The following ASS1 variants were observed in gnomAD, a reference collection of about 807,000 sequenced individuals.
ASS1 encodes the protein argininosuccinate synthase 1.
A neutral mutation model predicts 60.5 loss-of-function variants in ASS1; 58 were observed. That is an observed-to-expected ratio of 0.96 (90% confidence interval 0.78 to 1.19). The LOEUF (loss-of-function observed/expected upper bound fraction) is 1.19, where lower values mean the gene tolerates loss of function less well. Among genes scored for constraint, ASS1 ranks in the 50% most tolerant of loss-of-function variants. The pLI, the probability that ASS1 is intolerant of heterozygous loss-of-function variation, is 0.00. For missense variants in ASS1, 454 were observed against 547.3 expected, an observed-to-expected ratio of 0.83 and a Z score of 1.70; for synonymous variants, 200 against 206.9, an observed-to-expected ratio of 0.97 and a Z score of 0.29.
At chr9:130,460,509 G>A (rs1845563471) in intron 4 of ASS1, among the ~76,000 whole-genome samples, 1 of 152,196 alleles carries the variant, frequency 6.6e-6, no homozygotes, top group Non-Finnish European at 1.5e-5. Flanking sequence ...AGGGAACTGC[G>A]GGAGCAGCAG....
rs369158406 is a variant in ASS1 at position 130,477,456 on chromosome 9, C to T, written c.688+495C>T. On this transcript the variant is annotated intron_variant, in intron 9 of 14. Coordinates refer to ENST00000352480, the MANE Select transcript of ASS1 (RefSeq NM_054012.4). The surrounding 1 kb of genome is among the most constrained non-coding windows in gnomAD (Gnocchi z 4.2). ...AAGCCTTCGCCAGTCTTCATTGAGC[C>T]GCTCTGGGCCTCACCCTGCTGACCC... is the stretch of plus-strand genomic sequence containing the variant. Among the ~76,000 whole-genome samples, 163 of 152,332 alleles carry T rather than the reference C, an allele frequency of 1.1e-3. 2 individuals are homozygous for T. Among genetic ancestry groups the T allele is most frequent in the African/African-American group, 3.6e-3 (151 of 41,582 alleles).
rs764555895 is a variant in ASS1, at chr9:130,477,928, GGGTGGGGAAGCCTCAGGCC to G, written c.688+976_688+994del. Among the ~76,000 whole-genome samples the G allele has an allele frequency of 2.8e-4, 43 of 152,302 alleles. No homozygotes were observed. The highest frequency in any genetic ancestry group is 1.2e-3 in the Admixed American group (19 of 15,306). On this transcript the variant is annotated intron_variant, in intron 9 of 14. Transcript: ENST00000352480. The surrounding 1 kb of genome is among the most constrained non-coding windows in gnomAD (Gnocchi z 4.2). ...CCCGGCTACCACAGAAAGGAGGATA[GGGTGGGGAAGCCTCAGGCC>G]GGTGGGGAGGCAGAGCTGCAGATCC...
chr9:130,454,951 TC>T (rs1564902433), intron 3 of ASS1, among the ~76,000 whole-genome samples: 1 of 147,486 alleles, frequency 6.8e-6, no homozygotes, highest in Non-Finnish European at 1.5e-5. Flanking sequence ...CCATCCATCA[TC>T]CATCTATCCA....
At chr9:130,479,342 G>A (rs1313604958) in intron 9 of ASS1, among the ~76,000 whole-genome samples, 2 of 152,104 alleles carry the variant, frequency 1.3e-5, no homozygotes, top group South Asian at 2.1e-4. Context: ...GCCACACCTC[G>A]GCCAGGCGGC....
Position 130,491,762 on chromosome 9 carries a change from T to A in ASS1, c.970+2298T>A, listed in dbSNP as rs1846455534. Among the ~76,000 whole-genome samples the A allele has an allele frequency of 6.6e-6, 1 of 152,088 alleles. No individual in the cohort carries two copies. Among genetic ancestry groups the A allele is most frequent in the African/African-American group, 2.4e-5 (1 of 41,424 alleles). Reference sequence around the variant, plus strand: ...ACTGAGGTACAATGATTAGGAGACTTAAAAGGAAACAAAATCTCAGAGTGG... The same window carrying A: ...ACTGAGGTACAATGATTAGGAGACTAAAAAGGAAACAAAATCTCAGAGTGG... On this transcript the variant is annotated intron_variant, in intron 12 of 14. Transcript: ENST00000352480. The surrounding 1 kb of genome is among the most constrained non-coding windows in gnomAD (Gnocchi z 5.3).
Position 130,494,819 on chromosome 9 carries a change from C to T in ASS1, c.971-48C>T, listed in dbSNP as rs756610093. On this transcript the variant is annotated intron_variant, in intron 12 of 14. Transcript: ENST00000352480. This position sits in a 1 kb window ranked among gnomAD's most constrained non-coding sequence, Gnocchi z 4.3. ...TGTGCCCCAGGTCTCCCTGTGTCCT[C>T]GCGGTGCAGGAGGCCTCCCTAGTGG... 1.7e-5 allele frequency: 28 copies of T among 1,608,990 alleles called. No individual in the cohort carries two copies. The highest frequency in any genetic ancestry group is 1.9e-5 in the Non-Finnish European group (22 of 1,176,392).
At position 130,476,901 on chromosome 9, in the gene ASS1, A is replaced by G; in HGVS notation, c.628A>G (p.Thr210Ala). ...AGCGCCTCCAGGTCTCTACACGAAG[A>G]CCCAGGACCCAGCCAAAGCCCCCAA... is the stretch of plus-strand genomic sequence containing the variant. ...NQAPPGLYTKTQDPAKAPNTP... is the reference protein window; with the variant it reads ...NQAPPGLYTKAQDPAKAPNTP... Residue 210 changes from threonine to alanine, a missense_variant, in exon 9 of 15, where the codon ACC becomes GCC. Transcript: ENST00000352480. This position sits in a 1 kb window ranked among gnomAD's most constrained non-coding sequence, Gnocchi z 4.9. The G allele has an allele frequency of 6.2e-7, 1 of 1,613,976 alleles. No individual in the cohort carries two copies.
intron 13 of ASS1, among the ~76,000 whole-genome samples, chr9:130,496,849 C>T (rs1370858230): frequency 6.6e-6 from 1 of 152,244 alleles, no homozygotes; most frequent in African/African-American, 2.4e-5. Flanking sequence ...CCCTGTGGGA[C>T]AGACAGCCCC....
chr9:130,484,618 A>C (rs1206246876), intron 11 of ASS1, among the ~76,000 whole-genome samples: 1 of 152,106 alleles, frequency 6.6e-6, no homozygotes, highest in Non-Finnish European at 1.5e-5. Context: ...GGCAACACAG[A>C]GGCTCAGCTG....
chr9:130,448,691 G>A (rs1845256782), intron 1 of ASS1, among the ~76,000 whole-genome samples: 1 of 152,180 alleles, frequency 6.6e-6, no homozygotes, highest in African/African-American at 2.4e-5. Context: ...AGCCTCCCAA[G>A]TAGCTGGGAC....
chr9:130,485,097 G>A (rs538470684), intron 11 of ASS1, among the ~76,000 whole-genome samples: 25 of 152,238 alleles, frequency 1.6e-4, no homozygotes, highest in Middle Eastern at 3.4e-3. Context: ...TCATTTTCCT[G>A]GGGACACCTG....
At chr9:130,465,742 G>T (rs138155355) in intron 5 of ASS1, among the ~76,000 whole-genome samples, 1 of 152,242 alleles carries the variant, frequency 6.6e-6, no homozygotes, top group Non-Finnish European at 1.5e-5. Context: ...CTTGGGATGC[G>T]TGGCCTGGAG....
In ASS1 at chr9:130,458,626, G is replaced by A. The variant is rs183259535; in HGVS notation, c.363+37G>A. 126 of 1,600,378 alleles carry A rather than the reference G, an allele frequency of 7.9e-5. No homozygotes were observed. The East Asian group carries it at 2.5e-3, about 31-fold the overall frequency. On this transcript the variant is annotated intron_variant, in intron 4 of 14. Transcript: ENST00000352480. ...GGGAAGGGCCGGGCAGAGGGAGATGGAGGCGGAGGGGTGTGGGAAGGAGAT... is the reference window on the plus strand; with the variant it reads ...GGGAAGGGCCGGGCAGAGGGAGATGAAGGCGGAGGGGTGTGGGAAGGAGAT...
intron 1 of ASS1, among the ~76,000 whole-genome samples, chr9:130,446,464 G>A (rs1389359333): frequency 6.6e-6 from 1 of 152,178 alleles, no homozygotes; most frequent in Non-Finnish European, 1.5e-5. Flanking sequence ...TCCTGGCGGG[G>A]CCATCTGTGC....
intron 1 of ASS1, chr9:130,451,895 G>T: frequency 1.9e-6 from 1 of 517,886 alleles, no homozygotes; most frequent in Non-Finnish European, 3.7e-6. Context: ...TCACATCCTG[G>T]CCTTGGGCCA....
At position 130,476,752 on chromosome 9, in the gene ASS1, C is replaced by A; in HGVS notation, c.598-119C>A. The stretch of plus-strand genomic sequence containing the variant: ...GCTGGGGACCGGGGGATCTGCCGGA[C>A]CCCACCAGCTGGTGGGGAAATGGAC... On this transcript the variant is annotated intron_variant, in intron 8 of 14. Transcript: ENST00000352480. The surrounding 1 kb of genome is among the most constrained non-coding windows in gnomAD (Gnocchi z 4.9). The A allele has an allele frequency of 1.0e-6, 1 of 999,186 alleles. No homozygotes were observed. Among genetic ancestry groups the A allele is most frequent in the Non-Finnish European group, 1.6e-6 (1 of 623,104 alleles). The allele number at this position is 999,186 out of a possible 1,614,324, so 61.9% of individuals were successfully genotyped here. A position where few individuals can be genotyped will look rare whatever the true frequency, so the allele number is the denominator to read the frequency against.
At chr9:130,492,336 A>G (rs1211801752) in intron 12 of ASS1, among the ~76,000 whole-genome samples, 1 of 152,122 alleles carries the variant, frequency 6.6e-6, no homozygotes, top group Non-Finnish European at 1.5e-5. Context: ...TGGAAAGCCC[A>G]CCATTCTGCT....
intron 6 of ASS1, among the ~76,000 whole-genome samples, chr9:130,467,311 T>C (rs1010349437): frequency 1.3e-5 from 2 of 152,226 alleles, no homozygotes; most frequent in African/African-American, 2.4e-5. Flanking sequence ...CCAGCCCTTT[T>C]TGAAGTACAA....
At position 130,476,878 on chromosome 9, in the gene ASS1, C is replaced by T. The variant is rs376371866; in HGVS notation, c.605C>T (p.Ala202Val). ...AGILENPKNQAPPGLYTKTQD... is the reference protein window; with the variant it reads ...AGILENPKNQVPPGLYTKTQD... ...CTTTCTGTCTTTTTTCAGAACCAAG[C>T]GCCTCCAGGTCTCTACACGAAGACC... Residue 202 changes from alanine to valine, a missense_variant, in exon 9 of 15, where the codon GCG (alanine) becomes GTG (valine). Physicochemically the swap from Ala to Val is moderately conservative, Grantham distance 64. Coordinates refer to ENST00000352480, the MANE Select transcript of ASS1 (RefSeq NM_054012.4). The surrounding 1 kb of genome is among the most constrained non-coding windows in gnomAD (Gnocchi z 4.9). 1.5e-5 allele frequency: 25 copies of T among 1,613,856 alleles called. No homozygotes were observed. The highest frequency in any genetic ancestry group is 2.2e-5 in the East Asian group (1 of 44,886).
Sources: gnomAD v4.1 joint callset for allele counts (sites outside exome capture counted in the v4.1 genomes callset) on GRCh38, gnomAD v4.1.1 for gene constraint, Gnocchi (gnomAD v3.1) non-coding constraint, MANE v1.5 for transcripts, NCBI Gene and HGNC (gene_info 2026-07-23, HGNC 2026-07-21) for gene names.